Variants in ERCC6L2 observed in about 807,000 individuals in gnomAD.
ERCC6L2 encodes ERCC excision repair 6 like 2.
In ERCC6L2, 77 loss-of-function variants were observed where a neutral mutation model predicts 132.0. The ratio of observed to expected loss-of-function variants is 0.58; its 90% CI spans 0.49 to 0.71. ERCC6L2 has a LOEUF of 0.71. Ranked by LOEUF, ERCC6L2 falls within the 30% of genes least tolerant of loss-of-function variation. The probability of loss-of-function intolerance (pLI) is 0.00; values close to 1 mark genes in which losing one functional copy is unlikely to be tolerated. For synonymous variants in ERCC6L2, 583 were observed against 632.4 expected (o/e 0.92, Z 1.17); for missense variants, 1,542 against 1,837.6 (o/e 0.84, Z 2.94).
chr9:96,038,421 A>T (rs1165955740), intron 19 of ERCC6L2, among the ~76,000 whole-genome samples: 1 of 152,166 alleles, frequency 6.6e-6, no homozygotes, highest in East Asian at 1.9e-4. Context: ...CAGGGCAGGG[A>T]GTGGTGTCTG....
chr9:95,980,803 C>T (rs1399252089), intron 17 of ERCC6L2, among the ~76,000 whole-genome samples: 1 of 152,114 alleles, frequency 6.6e-6, no homozygotes, highest in Non-Finnish European at 1.5e-5. Context: ...ACAAAAGAGA[C>T]TCAATCATAG....
chr9:95,978,796 T>C (rs865831365), intron 17 of ERCC6L2, among the ~76,000 whole-genome samples: 8 of 152,234 alleles, frequency 5.3e-5, no homozygotes, highest in South Asian at 2.1e-4. Flanking sequence ...TTTATTATTT[T>C]CTAAGAGCTA....
rs1334962649 is a variant in ERCC6L2 at position 95,916,345 on chromosome 9, A to G, written c.1069A>G (p.Met357Val). 1 of 1,612,708 alleles carries G rather than the reference A, an allele frequency of 6.2e-7. No homozygotes were observed. The highest frequency in any genetic ancestry group is 1.3e-5 in the African/African-American group (1 of 74,876). The change falls in exon 6 of 19, where the codon ATG becomes GTG. Residue 357 changes from methionine to valine, a missense_variant. This residue lies in a region of ERCC6L2 where 945 missense variants were observed against 1,105.2 expected (regional missense o/e 0.86). Transcript: ENST00000653738. ...KRELATGRKAMQRLAKKMSGW... is the reference protein window; with the variant it reads ...KRELATGRKAVQRLAKKMSGW... ...AGAACTAGCCACTGGCCGAAAGGCC[A>G]TGCAAAGACTTGCCAAAAAGATGTC...
intron 12 of ERCC6L2, among the ~76,000 whole-genome samples, chr9:95,953,589 A>AG (rs201002420): frequency 6.6e-6 from 1 of 151,698 alleles, no homozygotes; most frequent in Non-Finnish European, 1.5e-5. Context: ...AAAAAAAAAA[A>AG]CAATGAAATT....
intron 12 of ERCC6L2, among the ~76,000 whole-genome samples, chr9:95,945,003 A>G (rs1048076005): frequency 1.3e-5 from 2 of 152,204 alleles, no homozygotes; most frequent in African/African-American, 4.8e-5. Context: ...ATTGTCATTC[A>G]TAACATCTTA....
chr9:95,968,820 TAAAC>T (rs1036579866), intron 14 of ERCC6L2: 5 of 151,976 alleles, frequency 3.3e-5, no homozygotes, highest in Admixed American at 1.3e-4. Context: ...AAGAACAAAA[TAAAC>T]AAAACGATCC....
At chr9:96,001,841 C>T (rs1354345564) in intron 17 of ERCC6L2, among the ~76,000 whole-genome samples, 2 of 152,362 alleles carry the variant, frequency 1.3e-5, no homozygotes, top group East Asian at 3.9e-4. Context: ...GCATGGCGGG[C>T]TGCAGGTCCT....
At chr9:95,920,343 C>T (rs889814538) in intron 6 of ERCC6L2, among the ~76,000 whole-genome samples, 6 of 152,100 alleles carry the variant, frequency 3.9e-5, no homozygotes, top group African/African-American at 7.2e-5. Flanking sequence ...ACTTAATGAA[C>T]AGTAAAGATA....
chr9:95,922,860 C>T (rs1044357886), intron 8 of ERCC6L2, among the ~76,000 whole-genome samples: 4 of 152,038 alleles, frequency 2.6e-5, no homozygotes, highest in Non-Finnish European at 5.9e-5. Context: ...TCCTTTTATT[C>T]TAGAGCACAC....
chr9:95,973,141 T>C (rs1222820492), intron 16 of ERCC6L2, 53 bp downstream of exon 16: 1 of 1,145,786 alleles, frequency 8.7e-7, no homozygotes, highest in Admixed American at 3.3e-5. Flanking sequence ...TTTTATCAAA[T>C]AGTTCTGTGA....
intron 12 of ERCC6L2, among the ~76,000 whole-genome samples, chr9:95,951,945 G>A (rs971245441): frequency 4.6e-5 from 7 of 151,582 alleles, no homozygotes; most frequent in African/African-American, 7.3e-5. Flanking sequence ...CAAGGCAGGC[G>A]GATCACGAGT....
intron 1 of ERCC6L2, among the ~76,000 whole-genome samples, chr9:95,878,075 G>C (rs1281875408): frequency 6.6e-6 from 1 of 152,232 alleles, no homozygotes; most frequent in East Asian, 1.9e-4. Flanking sequence ...AGAGAGACTG[G>C]TTAGGCATAA....
intron 13 of ERCC6L2, among the ~76,000 whole-genome samples, chr9:95,961,671 C>T (rs1182939319): frequency 1.3e-5 from 2 of 152,024 alleles, no homozygotes; most frequent in Non-Finnish European, 2.9e-5. Flanking sequence ...ATATGTTTGC[C>T]ATATATGTAA....
At chr9:96,005,308 G>T (rs185038077) in intron 18 of ERCC6L2, among the ~76,000 whole-genome samples, 56 of 151,378 alleles carry the variant, frequency 3.7e-4, no homozygotes, top group African/African-American at 1.3e-3. Flanking sequence ...GCGAGACTCT[G>T]TCTCAAAAAA....
intron 16 of ERCC6L2, among the ~76,000 whole-genome samples, chr9:95,975,225 T>C (rs553581402): frequency 3.9e-5 from 6 of 152,178 alleles, no homozygotes; most frequent in Non-Finnish European, 8.8e-5. Context: ...CATTTCATGC[T>C]CCCCATCAGT....
intron 17 of ERCC6L2, among the ~76,000 whole-genome samples, chr9:95,995,313 A>T (rs546912091): frequency 2.9e-4 from 44 of 152,362 alleles, no homozygotes; most frequent in Admixed American, 9.8e-4. Flanking sequence ...CTTTTGGTTC[A>T]AAAGAAAAAG....
chr9:95,942,769 T>C (rs776840742), intron 12 of ERCC6L2, among the ~76,000 whole-genome samples: 1 of 152,156 alleles, frequency 6.6e-6, no homozygotes, highest in African/African-American at 2.4e-5. Flanking sequence ...AAAATTGTTA[T>C]TAATTTTGAA....
chr9:95,945,864 A>G (rs1230270727), intron 12 of ERCC6L2, among the ~76,000 whole-genome samples: 11 of 152,204 alleles, frequency 7.2e-5, no homozygotes, highest in African/African-American at 2.7e-4. Context: ...AACTAAATCC[A>G]AACATAAATA....
intron 7 of ERCC6L2, among the ~76,000 whole-genome samples, chr9:95,921,839 C>A (rs1015005255): frequency 6.6e-6 from 1 of 151,938 alleles, no homozygotes; most frequent in Non-Finnish European, 1.5e-5. Context: ...TATCTGTGTA[C>A]GTAGAGAAAC....
Sources: allele counts gnomAD v4.1 joint callset (sites outside exome capture counted in the v4.1 genomes callset), GRCh38; gene constraint gnomAD v4.1.1; regional missense constraint gnomAD v4.1.1; transcripts MANE v1.5; gene names NCBI Gene and HGNC (gene_info 2026-07-23, HGNC 2026-07-21).